SOCS5: variants seen among roughly 807,000 people sequenced by gnomAD.
SOCS5 encodes suppressor of cytokine signaling 5.
In SOCS5, 32 loss-of-function variants were observed where a neutral mutation model predicts 42.8. The ratio of observed to expected loss-of-function variants is 0.75; its 90% CI spans 0.56 to 1.01. SOCS5 has a LOEUF of 1.01. Among genes scored for constraint, SOCS5 ranks in the 50% least tolerant of loss-of-function variants. The pLI is 0.00. For synonymous variants in SOCS5, 283 were observed against 229.6 expected, an observed-to-expected ratio of 1.23 and a Z score of -2.10; for missense variants, 627 against 653.0, an observed-to-expected ratio of 0.96 and a Z score of 0.43.
chr2:46,713,804 C>G (rs1672680765), intron 1 of SOCS5, among the ~76,000 whole-genome samples: 1 of 152,120 alleles, frequency 6.6e-6, no homozygotes, highest in Non-Finnish European at 1.5e-5. Context: ...ATAAGTTTCC[C>G]TGTAAGCATT....
chr2:46,749,409 G>T (rs1428197944), intron 1 of SOCS5, among the ~76,000 whole-genome samples: 2 of 152,142 alleles, frequency 1.3e-5, no homozygotes, highest in African/African-American at 4.8e-5. Flanking sequence ...ACAGCTAGTG[G>T]GAGCTTGAAT....
At chr2:46,732,966 T>C (rs890472878) in intron 1 of SOCS5, among the ~76,000 whole-genome samples, 1 of 152,132 alleles carries the variant, frequency 6.6e-6, no homozygotes, top group Non-Finnish European at 1.5e-5. Flanking sequence ...TTACAATGTT[T>C]AAAAATCGTG....
At chr2:46,753,114 T>C (rs1169091375) in intron 1 of SOCS5, among the ~76,000 whole-genome samples, 1 of 152,224 alleles carries the variant, frequency 6.6e-6, no homozygotes, top group Non-Finnish European at 1.5e-5. Flanking sequence ...CACTGGGTTG[T>C]GTTAACTTCA....
At chr2:46,753,656 C>T (rs552709561) in intron 1 of SOCS5, among the ~76,000 whole-genome samples, 2 of 152,168 alleles carry the variant, frequency 1.3e-5, no homozygotes, top group Admixed American at 6.5e-5. Flanking sequence ...ATGGTTACTC[C>T]ATAGGCAGAG....
In SOCS5 at chr2:46,759,995, C is replaced by T. The variant is rs765625443; in HGVS notation, c.1465C>T (p.Arg489Cys). 2 of 1,613,984 alleles carry T rather than the reference C, an allele frequency of 1.2e-6. No individual in the cohort carries two copies. Among genetic ancestry groups the T allele is most frequent in the African/African-American group, 1.3e-5 (1 of 74,888 alleles). ...CCCTTTTAGCCTGCAGTATATCTGT[C>T]GCGCGGTAATCTGCAGGTGCACTAC... ...TFPFSLQYIC[R>C]AVICRCTTYD... is the part of the protein sequence containing the mutation. Residue 489 changes from arginine (R) to cysteine (C), a missense_variant, in exon 2 of 2, where the codon CGC becomes TGC. Around this residue, in one of 3 missense-constraint regions of SOCS5, gnomAD observed 340 missense variants for 367.6 expected, o/e 0.92. Coordinates refer to ENST00000394861, the MANE Select transcript of SOCS5 (RefSeq NM_144949.3).
At chr2:46,746,868 AT>A (rs1295357530) in intron 1 of SOCS5, among the ~76,000 whole-genome samples, 1 of 149,570 alleles carries the variant, frequency 6.7e-6, no homozygotes, top group African/African-American at 2.5e-5. Context: ...AGACAATCAC[AT>A]CATCAGAAAA....
At chr2:46,710,547 T>G (rs146638163) in intron 1 of SOCS5, among the ~76,000 whole-genome samples, 76 of 152,248 alleles carry the variant, frequency 5.0e-4, no homozygotes, top group Non-Finnish European at 8.7e-4. Flanking sequence ...TTTAATAACC[T>G]TAAGAAATTT....
chr2:46,734,683 T>C (rs888931486), intron 1 of SOCS5, among the ~76,000 whole-genome samples: 3 of 152,184 alleles, frequency 2.0e-5, no homozygotes, highest in African/African-American at 4.8e-5. Context: ...ATTTTTTTTT[T>C]CCTGAACCCC....
intron 1 of SOCS5, among the ~76,000 whole-genome samples, chr2:46,746,166 A>C (rs1673490641): frequency 6.6e-6 from 1 of 152,092 alleles, no homozygotes; most frequent in African/African-American, 2.4e-5. Context: ...ATCCATGCAA[A>C]TGATGAAGAC....
intron 1 of SOCS5, among the ~76,000 whole-genome samples, chr2:46,741,718 G>C (rs1673381573): frequency 6.6e-6 from 1 of 152,052 alleles, no homozygotes; most frequent in South Asian, 2.1e-4. Flanking sequence ...AAATGCCCCA[G>C]AAACATGGTT....
At chr2:46,730,640 T>G (rs944944515) in intron 1 of SOCS5, among the ~76,000 whole-genome samples, 1 of 152,218 alleles carries the variant, frequency 6.6e-6, no homozygotes, top group African/African-American at 2.4e-5. Flanking sequence ...TGGGTCCTAT[T>G]TCATACAATT....
chr2:46,729,246 C>T (rs1175542132), intron 1 of SOCS5, among the ~76,000 whole-genome samples: 1 of 152,152 alleles, frequency 6.6e-6, no homozygotes, highest in African/African-American at 2.4e-5. Context: ...GAAATTCACA[C>T]TGTGTTACTC....
intron 1 of SOCS5, among the ~76,000 whole-genome samples, chr2:46,716,618 T>TA (rs1175349961): frequency 6.6e-6 from 1 of 151,974 alleles, no homozygotes; most frequent in Non-Finnish European, 1.5e-5. Flanking sequence ...GCTGGAACCA[T>TA]AGGTGCACAC....
intron 1 of SOCS5, among the ~76,000 whole-genome samples, chr2:46,723,719 C>T (rs376323321): frequency 6.6e-6 from 1 of 151,920 alleles, no homozygotes; most frequent in South Asian, 2.1e-4. Context: ...ATGATTCTTT[C>T]AGTTTTATTC....
intron 1 of SOCS5, among the ~76,000 whole-genome samples, chr2:46,706,203 A>C (rs1006211857): frequency 6.6e-6 from 1 of 152,214 alleles, no homozygotes; most frequent in Non-Finnish European, 1.5e-5. Flanking sequence ...CTCTTAGTTC[A>C]GAAAGGTAGG....
intron 1 of SOCS5, among the ~76,000 whole-genome samples, chr2:46,731,325 A>T (rs997530944): frequency 3.3e-5 from 5 of 152,196 alleles, no homozygotes; most frequent in Non-Finnish European, 7.3e-5. Flanking sequence ...GAAGATGGCC[A>T]TCTCTGAACC....
chr2:46,742,349 CA>C (rs1302937156), intron 1 of SOCS5, among the ~76,000 whole-genome samples: 5 of 148,496 alleles, frequency 3.4e-5, no homozygotes, highest in African/African-American at 1.0e-4. Context: ...CCCCCACCCC[CA>C]CCCCCACCTT....
chr2:46,758,560 C>G lies in SOCS5; in HGVS notation c.30C>G (p.Asn10Lys). The change falls in exon 2 of 2, where the codon AAC becomes AAG. Residue 10 changes from asparagine (N) to lysine (K), a missense_variant. Transcript: ENST00000394861. MDKVGKMWN[N>K]FKYRCQNLFG... is the part of the protein sequence containing the mutation. The stretch of plus-strand genomic sequence containing the variant: ...ATAAAGTGGGAAAAATGTGGAATAA[C>G]TTCAAATACAGGTGTCAGAATCTCT... 1 of 1,600,886 alleles carries G rather than the reference C, an allele frequency of 6.2e-7. No homozygotes were observed. The highest frequency in any genetic ancestry group is 8.5e-7 in the Non-Finnish European group (1 of 1,175,948).
At chr2:46,711,604 C>T (rs940297205) in intron 1 of SOCS5, among the ~76,000 whole-genome samples, 6 of 152,120 alleles carry the variant, frequency 3.9e-5, no homozygotes, top group African/African-American at 1.4e-4. Context: ...TTTCGATGAA[C>T]AAAAGTTTTG....
Sources: allele counts gnomAD v4.1 joint callset (sites outside exome capture counted in the v4.1 genomes callset), GRCh38; gene constraint gnomAD v4.1.1; regional missense constraint gnomAD v4.1.1; transcripts MANE v1.5; gene names NCBI Gene and HGNC (gene_info 2026-07-23, HGNC 2026-07-21).